Variants in CATSPERD observed in about 807,000 individuals in gnomAD.
CATSPERD encodes cation channel sperm-associated auxiliary subunit delta.
Under a neutral mutation model 98.1 loss-of-function variants are expected in CATSPERD, and 86 were observed. That is an observed-to-expected ratio of 0.88 (90% CI 0.74 to 1.05). The LOEUF (loss-of-function observed/expected upper bound fraction) is 1.05. Among genes scored for constraint, CATSPERD ranks in the 50% least tolerant of loss-of-function variants. The probability of loss-of-function intolerance (pLI) is 0.00; values close to 1 mark genes in which losing one functional copy is unlikely to be tolerated. For synonymous variants in CATSPERD, 394 were observed against 390.2 expected (o/e 1.01, Z -0.12); for missense variants, 995 against 1,005.7 (o/e 0.99, Z 0.14).
At chr19:5,744,937 T>C (rs1247004738) in intron 8 of CATSPERD, among the ~76,000 whole-genome samples, 1 of 151,722 alleles carries the variant, frequency 6.6e-6, no homozygotes, top group Admixed American at 6.6e-5. Flanking sequence ...TTTAAAATAG[T>C]ATCTTTTCTT....
At chr19:5,750,659 C>A (rs533460589) in intron 11 of CATSPERD, among the ~76,000 whole-genome samples, 5 of 151,290 alleles carry the variant, frequency 3.3e-5, no homozygotes, top group African/African-American at 1.2e-4. Flanking sequence ...GGCTTGAACC[C>A]GGGAGACGGA....
intron 11 of CATSPERD, 120 bp downstream of exon 11, chr19:5,749,303 C>A (rs1296185708): frequency 7.3e-6 from 4 of 549,254 alleles, no homozygotes; most frequent in Non-Finnish European, 1.2e-5. Context: ...ACCAGCCTTG[C>A]CAACATGGTG....
At chr19:5,750,531 A>T (rs186807070) in intron 11 of CATSPERD, among the ~76,000 whole-genome samples, 46 of 149,668 alleles carry the variant, frequency 3.1e-4, no homozygotes, top group African/African-American at 1.1e-3. Flanking sequence ...CTTTGGTTCC[A>T]GGAGTTCATG....
chr19:5,761,828 A>AAGTAGCTGGGACTATAGTTCCCG (rs1167055768), intron 15 of CATSPERD, among the ~76,000 whole-genome samples: 1 of 150,514 alleles, frequency 6.6e-6, no homozygotes, highest in East Asian at 2.0e-4. Context: ...TCAGCCTCCC[A>AAGTAGCTGGGACTATAGTTCCCG]AGTAGCTGGG....
chr19:5,774,209 G>T lies in CATSPERD; in HGVS notation c.1941+1244G>T, dbSNP rs187001457. Among the ~76,000 whole-genome samples the T allele has an allele frequency of 1.9e-3, 289 of 151,394 alleles. 5 individuals carry two copies. The highest frequency in any genetic ancestry group is 3.4e-4 in the Non-Finnish European group (23 of 67,688). On this transcript the variant is annotated intron_variant, in intron 20 of 21. Coordinates refer to ENST00000381624, the MANE Select transcript of CATSPERD (RefSeq NM_152784.4). ...TCTTGAACTCCTGACCTTGTGATCCGCCCGCCTCGGCCTCCCAAAGTGCTG... is the reference window on the plus strand; with the variant it reads ...TCTTGAACTCCTGACCTTGTGATCCTCCCGCCTCGGCCTCCCAAAGTGCTG...
At chr19:5,757,629 C>T (rs2056350193) in intron 13 of CATSPERD, among the ~76,000 whole-genome samples, 2 of 121,452 alleles carry the variant, frequency 1.6e-5, no homozygotes, top group African/African-American at 6.4e-5. Flanking sequence ...TTTGTAGAGA[C>T]AGGATCTCTC....
intron 17 of CATSPERD, 59 bp from the exon 18 acceptor site, chr19:5,768,094 CTTTCTGTCCCATCCA>C: frequency 7.1e-7 from 1 of 1,402,124 alleles, no homozygotes; most frequent in Non-Finnish European, 1.0e-6. Flanking sequence ...CAGCCCCTCC[CTTTCTGTCCCATCCA>C]TAATGGTTTG....
At chr19:5,754,421 C>T (rs532837218) in intron 13 of CATSPERD, among the ~76,000 whole-genome samples, 176 bp downstream of exon 13, 73 of 92,160 alleles carry the variant, frequency 7.9e-4, no homozygotes, top group African/African-American at 2.5e-3. Context: ...TTTTTTGAGA[C>T]AGAACCTCGC....
chr19:5,758,824 T>C (rs769478087), intron 14 of CATSPERD, among the ~76,000 whole-genome samples: 41 of 147,216 alleles, frequency 2.8e-4, no homozygotes, highest in Non-Finnish European at 5.0e-4. Flanking sequence ...CTTGGGAGGA[T>C]GAGGCAGGAG....
At chr19:5,760,194 A>G (rs977887259) in intron 15 of CATSPERD, among the ~76,000 whole-genome samples, 1 of 139,360 alleles carries the variant, frequency 7.2e-6, no homozygotes, top group African/African-American at 2.7e-5. Context: ...AGGTCAAGAG[A>G]TCGAGACCAG....
intron 5 of CATSPERD, among the ~76,000 whole-genome samples, chr19:5,735,604 C>T (rs1458696707): frequency 2.0e-5 from 3 of 151,910 alleles, no homozygotes; most frequent in South Asian, 2.1e-4. Flanking sequence ...TCCCGAGTAG[C>T]TAGGACTACA....
rs759366650 is a variant in CATSPERD, at chr19:5,749,180, C to T, written c.984C>T (p.Ile328=). 6 of 1,609,790 alleles carry T rather than the reference C, an allele frequency of 3.7e-6. 1 individual carries two copies. The Admixed American group carries it at 1.0e-4, about 27-fold the overall frequency. ...GNLGIVPSSI[I]KFADQYIWSE... is the part of the protein sequence containing the mutation. ...TGGGCATCGTGCCAAGTTCCATAAT[C>T]AAAGTAGGTAAAAAGAAAGTGGGGT... The change falls in exon 11 of 22, where the codon ATC becomes ATT. Residue 328 remains isoleucine (I), a synonymous_variant. Transcript: ENST00000381624.
Position 5,734,066 on chromosome 19 carries a change from G to C in CATSPERD, c.391+96G>C, listed in dbSNP as rs2055790811. On this transcript the variant is annotated intron_variant, in intron 5 of 21. Transcript: ENST00000381624. Reference sequence around the variant, plus strand: ...GAAGTATAAGCGATGCTCCTACTTGGATGTCAACCCCAGGACATTACTTTG... The same window carrying C: ...GAAGTATAAGCGATGCTCCTACTTGCATGTCAACCCCAGGACATTACTTTG... 13 of 713,750 alleles carry C rather than the reference G, an allele frequency of 1.8e-5. 1 individual carries two copies. The South Asian group carries it at 2.4e-4, about 13-fold the overall frequency. The allele number at this position is 713,750 out of a possible 1,614,324, so 44.2% of individuals were successfully genotyped here. A position where few individuals can be genotyped will look rare whatever the true frequency, so the allele number is the denominator to read the frequency against.
chr19:5,768,083 C>G, intron 17 of CATSPERD, 85 bp from the exon 18 acceptor site: 1 of 1,287,904 alleles, frequency 7.8e-7, no homozygotes, highest in South Asian at 1.2e-5. Context: ...GCCACCACGC[C>G]CAGCCCCTCC....
Position 5,742,279 on chromosome 19 carries a change from C to CGT in CATSPERD, c.574-2140_574-2139dup, listed in dbSNP as rs1264091337. ...GTGGGTGTGCGTGTGCATGTGTGTA[C>CGT]GTGTGTGTGCGTGTGTACGTATGTG... On this transcript the variant is annotated intron_variant, in intron 7 of 21. Transcript: ENST00000381624. Among the ~76,000 whole-genome samples, 18 of 131,850 alleles carry CGT rather than the reference C, an allele frequency of 1.4e-4. 1 individual carries two copies. The highest frequency in any genetic ancestry group is 6.8e-4 in the Admixed American group (9 of 13,190). 86.5% of individuals were successfully genotyped at this position (131,850 alleles called of 152,430 possible). A position where few individuals can be genotyped will look rare whatever the true frequency, so the allele number is the denominator to read the frequency against.
chr19:5,733,745 C>T (rs771515951), intron 4 of CATSPERD, 111 bp from the exon 5 acceptor site: 99 of 732,548 alleles, frequency 1.4e-4, no homozygotes, highest in Non-Finnish European at 1.7e-4. Context: ...CGAGGGCCAC[C>T]GCGCCCGTCC....
In CATSPERD at chr19:5,776,279, A is replaced by C. The variant is rs1159600424; in HGVS notation, c.2060A>C (p.Tyr687Ser). Residue 687 changes from tyrosine to serine, a missense_variant, in exon 21 of 22, where the codon TAT becomes TCT. Around this residue, in one of 3 missense-constraint regions of CATSPERD, gnomAD observed 762 missense variants for 773.7 expected, o/e 0.98. Coordinates refer to ENST00000381624, the MANE Select transcript of CATSPERD (RefSeq NM_152784.4). ...ATCATTTTCGGCCACAATGGCTTTT[A>C]TGTCTTCTACATTTCGATCGTGGAT... is the stretch of plus-strand genomic sequence containing the variant. ...NQIIFGHNGF[Y>S]VFYISIVDPY... 1 of 1,614,132 alleles carries C rather than the reference A, an allele frequency of 6.2e-7. No homozygotes were observed. The highest frequency in any genetic ancestry group is 8.5e-7 in the Non-Finnish European group (1 of 1,180,018).
chr19:5,746,948 G>A (rs1301536857), intron 9 of CATSPERD, among the ~76,000 whole-genome samples: 9 of 151,768 alleles, frequency 5.9e-5, no homozygotes, highest in Middle Eastern at 3.4e-3. Context: ...GGGCTCAAAC[G>A]ATCCTCCCAT....
chr19:5,727,280 T>A lies in CATSPERD; in HGVS notation c.139T>A (p.Phe47Ile). ...IQDVQGDRLY[F>I]HPTTTRLIKH... is the part of the protein sequence containing the mutation. The stretch of plus-strand genomic sequence containing the variant: ...ATTATCTCTCTAGGACCGCCTGTAT[T>A]TTCATCCTACAACAACACGCTTGAT... The change falls in exon 3 of 22, where the codon TTT (phenylalanine) becomes ATT (isoleucine). Residue 47 changes from phenylalanine to isoleucine, a missense_variant. By Grantham distance (21) the Phe-to-Ile change is conservative (BLOSUM62 0). Transcript: ENST00000381624. The A allele has an allele frequency of 6.2e-7, 1 of 1,613,292 alleles. No homozygotes were observed. Among genetic ancestry groups the A allele is most frequent in the Non-Finnish European group, 8.5e-7 (1 of 1,179,252 alleles).
Sources: gnomAD v4.1 joint callset for allele counts (sites outside exome capture counted in the v4.1 genomes callset) on GRCh38, gnomAD v4.1.1 for gene constraint, gnomAD v4.1.1 regional missense constraint, MANE v1.5 for transcripts, NCBI Gene and HGNC (gene_info 2026-07-23, HGNC 2026-07-21) for gene names.